GPC5: variants seen among roughly 807,000 people sequenced by gnomAD.
The protein encoded by GPC5 is glypican-5.
A neutral mutation model predicts 53.9 loss-of-function variants in GPC5; 47 were observed. That is an observed-to-expected ratio of 0.87 (90% CI 0.69 to 1.11). The LOEUF is 1.11. Ranked by LOEUF, GPC5 falls within the 50% of genes most tolerant of loss-of-function variation. The pLI is 0.00. For synonymous variants in GPC5, 286 were observed against 263.3 expected (o/e 1.09, Z -0.84); for missense variants, 748 against 713.1 (o/e 1.05, Z -0.56).
At chr13:91,857,081 T>C (rs911472767) in intron 5 of GPC5, among the ~76,000 whole-genome samples, 1 of 151,454 alleles carries the variant, frequency 6.6e-6, no homozygotes, top group Admixed American at 6.6e-5. Flanking sequence ...TGTATATTTC[T>C]ATTCTTTTCT....
At chr13:91,660,176 T>C (rs1487211447) in intron 2 of GPC5, among the ~76,000 whole-genome samples, 5 of 152,192 alleles carry the variant, frequency 3.3e-5, no homozygotes, top group Non-Finnish European at 5.9e-5. Flanking sequence ...GGTTATCAGT[T>C]ATTGATTAAG....
rs142516408 is a variant in GPC5 at position 92,577,093 on chromosome 13, AG to A, written c.1562-289188del. 8.5e-3 allele frequency among the ~76,000 whole-genome samples: 1,295 copies of A among 152,314 alleles called. 21 individuals carry two copies. The highest frequency in any genetic ancestry group is 0.029 in the African/African-American group (1,215 of 41,568). ...TATCTGCAATATTAAAAGCTATAAA[AG>A]TTCACCTACCTTTAGTCATAAGTCA... On this transcript the variant is annotated intron_variant, in intron 7 of 7. Coordinates refer to ENST00000377067, the MANE Select transcript of GPC5 (RefSeq NM_004466.6).
chr13:92,485,548 C>A (rs1387661151), intron 7 of GPC5, among the ~76,000 whole-genome samples: 3 of 152,082 alleles, frequency 2.0e-5, no homozygotes, highest in African/African-American at 2.4e-5. Context: ...GTCCATATGG[C>A]AAAATTAGGC....
intron 3 of GPC5, among the ~76,000 whole-genome samples, chr13:91,726,030 TG>T (rs2139995498): frequency 1.3e-5 from 2 of 152,312 alleles, no homozygotes; most frequent in East Asian, 3.9e-4. Flanking sequence ...TCGTCTTCCT[TG>T]GGTTCTTGTT....
In GPC5 at chr13:92,168,363, C is replaced by T. The variant is rs114721947; in HGVS notation, c.1561+23374C>T. Among the ~76,000 whole-genome samples the T allele has an allele frequency of 2.0e-3, 306 of 152,264 alleles. 1 individual carries two copies. The highest frequency in any genetic ancestry group is 7.0e-3 in the African/African-American group (292 of 41,534). ...GGGATTTAGTTAAACTATAGAGCTT[C>T]CGCACAGCAAAAGAAACTCTCATCA... On this transcript the variant is annotated intron_variant, in intron 7 of 7. Transcript: ENST00000377067.
intron 6 of GPC5, among the ~76,000 whole-genome samples, chr13:91,953,891 G>A (rs566507356): frequency 2.0e-5 from 3 of 152,216 alleles, no homozygotes; most frequent in South Asian, 2.1e-4. Flanking sequence ...AATATCAACC[G>A]CTTGGTGGTT....
At position 92,224,536 on chromosome 13, in the gene GPC5, T is replaced by C. The variant is rs188876377; in HGVS notation, c.1561+79547T>C. 2.0e-5 allele frequency among the ~76,000 whole-genome samples: 3 copies of C among 152,274 alleles called. No individual in the cohort carries two copies. In the East Asian group the frequency reaches 5.8e-4, roughly 29 times the overall value. On this transcript the variant is annotated intron_variant, in intron 7 of 7. Coordinates refer to ENST00000377067, the MANE Select transcript of GPC5 (RefSeq NM_004466.6). ...CTTCTGTTAACGGATTTCAATAGGG[T>C]CCACCATTCCCAAAGCTGATAAGAG...
At chr13:92,166,544 A>G in intron 7 of GPC5, among the ~76,000 whole-genome samples, 1 of 151,168 alleles carries the variant, frequency 6.6e-6, no homozygotes, top group Non-Finnish European at 1.5e-5. Flanking sequence ...TTCCATTGTC[A>G]AAGGTAGTTT....
intron 6 of GPC5, among the ~76,000 whole-genome samples, chr13:92,055,671 G>A (rs947805056): frequency 6.6e-6 from 1 of 152,164 alleles, no homozygotes; most frequent in Non-Finnish European, 1.5e-5. Flanking sequence ...TCCCATAGGG[G>A]AAGAACCCTG....
chr13:92,334,705 T>C (rs866978116), intron 7 of GPC5, among the ~76,000 whole-genome samples: 2 of 152,092 alleles, frequency 1.3e-5, no homozygotes, highest in Non-Finnish European at 1.5e-5. Context: ...TGGGTAAATA[T>C]ACCCATTCTA....
At chr13:91,969,858 A>G (rs1566369932) in intron 6 of GPC5, among the ~76,000 whole-genome samples, 1 of 152,194 alleles carries the variant, frequency 6.6e-6, no homozygotes, top group East Asian at 1.9e-4. Flanking sequence ...AAAAAACAAA[A>G]AAAGGATTAC....
At chr13:91,480,713 C>A (rs887682027) in intron 2 of GPC5, among the ~76,000 whole-genome samples, 1 of 152,048 alleles carries the variant, frequency 6.6e-6, no homozygotes, top group Non-Finnish European at 1.5e-5. Flanking sequence ...AGAGCCTGAG[C>A]CCTTGATGGT....
At chr13:91,774,635 G>A (rs1448811658) in intron 5 of GPC5, among the ~76,000 whole-genome samples, 16 of 152,068 alleles carry the variant, frequency 1.1e-4, no homozygotes, top group Admixed American at 1.0e-3. Flanking sequence ...ACATGATGGT[G>A]ACAGTGCCTT....
chr13:92,219,285 C>A (rs72636831), intron 7 of GPC5, among the ~76,000 whole-genome samples: 7 of 151,910 alleles, frequency 4.6e-5, no homozygotes, highest in African/African-American at 1.5e-4. Flanking sequence ...AAATAACAAG[C>A]CTTAAAATAC....
chr13:92,078,399 C>T (rs1196459240), intron 6 of GPC5, among the ~76,000 whole-genome samples: 1 of 152,186 alleles, frequency 6.6e-6, no homozygotes, highest in Non-Finnish European at 1.5e-5. Context: ...TCAGAAGTTG[C>T]TTAAACTTCC....
At chr13:92,724,740 G>A (rs1425287409) in intron 7 of GPC5, among the ~76,000 whole-genome samples, 2 of 151,476 alleles carry the variant, frequency 1.3e-5, no homozygotes, top group Non-Finnish European at 3.0e-5. Flanking sequence ...ATTGTTCAAT[G>A]AGCATAAAGT....
intron 6 of GPC5, among the ~76,000 whole-genome samples, chr13:91,964,832 C>G (rs773769149): frequency 1.3e-5 from 2 of 151,966 alleles, no homozygotes; most frequent in African/African-American, 4.8e-5. Flanking sequence ...TGGAACCAAC[C>G]GAAATGTCCA....
intron 2 of GPC5, among the ~76,000 whole-genome samples, chr13:91,597,654 G>C (rs928214085): frequency 3.3e-5 from 5 of 152,288 alleles, no homozygotes; most frequent in Admixed American, 6.5e-5. Context: ...ATTTTTGTTA[G>C]GTACATGAGG....
intron 7 of GPC5, among the ~76,000 whole-genome samples, chr13:92,236,697 C>T (rs561378633): frequency 6.6e-6 from 1 of 152,076 alleles, no homozygotes; most frequent in Admixed American, 6.6e-5. Context: ...CAATTCAGTG[C>T]ATATCATCAC....
Sources: gnomAD v4.1 joint callset for allele counts (sites outside exome capture counted in the v4.1 genomes callset) on GRCh38, gnomAD v4.1.1 for gene constraint, MANE v1.5 for transcripts, NCBI Gene and HGNC (gene_info 2026-07-23, HGNC 2026-07-21) for gene names.